GLIS1: variants seen among roughly 807,000 people sequenced by gnomAD.
GLIS1 encodes GLIS family zinc finger 1, also known as zinc finger protein GLIS1.
GLIS1 carries 24 observed loss-of-function variants against 63.8 expected under a neutral mutation model. That is an observed-to-expected ratio of 0.38 (90% CI 0.27 to 0.53). The LOEUF (loss-of-function observed/expected upper bound fraction) is 0.53. Ranked by LOEUF, GLIS1 falls within the 20% of genes least tolerant of loss-of-function variation. The pLI, the probability that GLIS1 is intolerant of heterozygous loss-of-function variation, is 0.85. For synonymous variants in GLIS1, 450 were observed against 482.5 expected, an observed-to-expected ratio of 0.93 and a Z score of 0.88; for missense variants, 1,036 against 1,074.1, an observed-to-expected ratio of 0.96 and a Z score of 0.50.
chr1:53,720,743 C>G (rs1451645706), intron 2 of GLIS1, among the ~76,000 whole-genome samples: 1 of 152,126 alleles, frequency 6.6e-6, no homozygotes, highest in Non-Finnish European at 1.5e-5. Context: ...ACCACGTGTG[C>G]TCCAAAAATA....
chr1:53,597,676 G>A (rs6666235), intron 3 of GLIS1, among the ~76,000 whole-genome samples: 6,148 of 152,170 alleles, frequency 0.04, 426 homozygotes, highest in African/African-American at 0.14. Flanking sequence ...TTGGGGGAAG[G>A]CACGGAATTC....
chr1:53,580,826 G>A (rs1469452592), intron 4 of GLIS1, among the ~76,000 whole-genome samples: 1 of 152,060 alleles, frequency 6.6e-6, no homozygotes, highest in African/African-American at 2.4e-5. Context: ...CTGCATTCTT[G>A]GCTGTTTCCA....
At chr1:53,544,646 C>T (rs192014114) in intron 4 of GLIS1, among the ~76,000 whole-genome samples, 1 of 152,346 alleles carries the variant, frequency 6.6e-6, no homozygotes, top group East Asian at 1.9e-4. Flanking sequence ...TAGCTGGCTC[C>T]CCAAGCTCCC....
Position 53,506,492 on chromosome 1 carries a change from G to A in GLIS1, c.*127C>T, listed in dbSNP as rs2100234744. Reference sequence around the variant, plus strand: ...GTGGGGTGGCAGCGCTGGCTCCCCTGGGTCATGGCCTGGCTGTTCCGGCTG... The same window carrying A: ...GTGGGGTGGCAGCGCTGGCTCCCCTAGGTCATGGCCTGGCTGTTCCGGCTG... On this transcript the variant is annotated 3_prime_UTR_variant, in exon 11 of 11. Transcript: ENST00000628545. 2 of 1,026,456 alleles carry A rather than the reference G, an allele frequency of 1.9e-6. No individual in the cohort carries two copies. The highest frequency in any genetic ancestry group is 3.1e-5 in the South Asian group (2 of 65,246). 63.6% of individuals were successfully genotyped at this position (1,026,456 alleles called of 1,614,324 possible). A position where few individuals can be genotyped will look rare whatever the true frequency, so the allele number is the denominator to read the frequency against.
intron 2 of GLIS1, among the ~76,000 whole-genome samples, chr1:53,645,585 C>T (rs1216351446): frequency 1.3e-5 from 2 of 152,206 alleles, no homozygotes; most frequent in African/African-American, 2.4e-5. Flanking sequence ...GAGGGGATGG[C>T]CTGCCCAACA....
At chr1:53,584,733 G>A (rs1162520965) in intron 4 of GLIS1, among the ~76,000 whole-genome samples, 1 of 152,194 alleles carries the variant, frequency 6.6e-6, no homozygotes, top group African/African-American at 2.4e-5. Flanking sequence ...GTCTTGGTGT[G>A]TCCAAGGTGA....
At chr1:53,668,499 C>A (rs531018702) in intron 2 of GLIS1, among the ~76,000 whole-genome samples, 2 of 152,156 alleles carry the variant, frequency 1.3e-5, no homozygotes, top group African/African-American at 2.4e-5. Context: ...GTGGCTGAGA[C>A]TATAGGTGCA....
At chr1:53,611,900 C>A (rs1024320456) in intron 2 of GLIS1, among the ~76,000 whole-genome samples, 2 of 152,216 alleles carry the variant, frequency 1.3e-5, no homozygotes, top group African/African-American at 2.4e-5. Flanking sequence ...ATGGTGCAAT[C>A]AGAGCACACT....
At chr1:53,613,541 A>T (rs1645447784) in intron 2 of GLIS1, among the ~76,000 whole-genome samples, 1 of 152,266 alleles carries the variant, frequency 6.6e-6, no homozygotes, top group African/African-American at 2.4e-5. Flanking sequence ...GTAGCTATTG[A>T]ATATGATACA....
Position 53,590,631 on chromosome 1 carries a change from CA to C in GLIS1, c.1320+3476del, listed in dbSNP as rs775562765. ...AGTTAATGTCTTGGAGTCGTCGCGTCAGTATTTGGGTTGGACGGGTAACCTT... is the reference window on the plus strand; with the variant it reads ...AGTTAATGTCTTGGAGTCGTCGCGTCGTATTTGGGTTGGACGGGTAACCTT... On this transcript the variant is annotated intron_variant, in intron 4 of 10. Transcript: ENST00000628545. 8.5e-5 allele frequency among the ~76,000 whole-genome samples: 13 copies of C among 152,292 alleles called. No homozygotes were observed. In the South Asian group the frequency reaches 1.0e-3, roughly 12 times the overall value.
intron 4 of GLIS1, 42 bp from the exon 5 acceptor site, chr1:53,529,994 CA>C: frequency 6.3e-7 from 1 of 1,586,974 alleles, no homozygotes; most frequent in Non-Finnish European, 8.6e-7. Context: ...GCCCGGTGGG[CA>C]CCCCAACCCT....
At chr1:53,530,097 C>A (rs769999676) in intron 4 of GLIS1, 145 bp from the exon 5 acceptor site, 116 of 715,694 alleles carry the variant, frequency 1.6e-4, no homozygotes, top group Middle Eastern at 7.3e-4. Context: ...ATCAGCTCCC[C>A]ATGAAGTGCT....
At chr1:53,720,813 A>C (rs1646746393) in intron 2 of GLIS1, among the ~76,000 whole-genome samples, 1 of 152,202 alleles carries the variant, frequency 6.6e-6, no homozygotes, top group African/African-American at 2.4e-5. Flanking sequence ...AGCCTGGGCA[A>C]CACAGTGAAA....
intron 4 of GLIS1, among the ~76,000 whole-genome samples, chr1:53,535,390 C>T (rs770039018): frequency 2.0e-5 from 3 of 152,046 alleles, no homozygotes; most frequent in Non-Finnish European, 4.4e-5. Context: ...ACCGTGAGTC[C>T]AGGCACTGGG....
chr1:53,668,959 C>T (rs1294029254), intron 2 of GLIS1, among the ~76,000 whole-genome samples: 1 of 152,182 alleles, frequency 6.6e-6, no homozygotes, highest in Admixed American at 6.5e-5. Flanking sequence ...AGGAACACTA[C>T]ATTTTATTTT....
At chr1:53,659,182 G>A (rs183989401) in intron 2 of GLIS1, among the ~76,000 whole-genome samples, 34 of 152,290 alleles carry the variant, frequency 2.2e-4, no homozygotes, top group African/African-American at 8.2e-4. Context: ...AGGAGGCCAG[G>A]AAGGGAAGGA....
intron 8 of GLIS1, among the ~76,000 whole-genome samples, chr1:53,510,270 C>T (rs1380099009): frequency 6.6e-6 from 1 of 152,240 alleles, no homozygotes; most frequent in Non-Finnish European, 1.5e-5. Flanking sequence ...GTAAGAGGCA[C>T]AACCTTTCCA....
chr1:53,608,854 CTTAA>C (rs1189642580), intron 2 of GLIS1, among the ~76,000 whole-genome samples: 2 of 152,178 alleles, frequency 1.3e-5, no homozygotes, highest in Non-Finnish European at 1.5e-5. Flanking sequence ...GGCAAGCTGG[CTTAA>C]TTAGACAGAT....
At chr1:53,693,792 G>C (rs1646434271) in intron 2 of GLIS1, among the ~76,000 whole-genome samples, 1 of 152,238 alleles carries the variant, frequency 6.6e-6, no homozygotes. Flanking sequence ...CTGAGCCTCA[G>C]TGCCCCCACC....
Sources: gnomAD v4.1 joint callset for allele counts (sites outside exome capture counted in the v4.1 genomes callset) on GRCh38, gnomAD v4.1.1 for gene constraint, MANE v1.5 for transcripts, NCBI Gene and HGNC (gene_info 2026-07-23, HGNC 2026-07-21) for gene names.